The following CCDC146 variants were observed in gnomAD, a reference collection of about 807,000 sequenced individuals.
CCDC146 encodes the protein coiled-coil domain containing 146.
Under a neutral mutation model 119.3 loss-of-function variants are expected in CCDC146, and 92 were observed. The observed-to-expected ratio is 0.77, with a 90% CI of 0.65 to 0.92. CCDC146 has a LOEUF of 0.92. Ranked by LOEUF, CCDC146 falls within the 40% of genes least tolerant of loss-of-function variation. The probability of loss-of-function intolerance (pLI) is 0.00; values close to 1 mark genes in which losing one functional copy is unlikely to be tolerated. For missense variants in CCDC146, 1,000 were observed against 1,103.0 expected (o/e 0.91, Z 1.32); for synonymous variants, 372 against 371.8 (o/e 1.00, Z -0.01).
intron 2 of CCDC146, among the ~76,000 whole-genome samples, chr7:77,170,934 T>C (rs781477061): frequency 1.2e-4 from 18 of 152,186 alleles, no homozygotes; most frequent in Non-Finnish European, 2.4e-4. Flanking sequence ...GGCAAAGGTG[T>C]GGAGAAAAAG....
At chr7:77,194,732 C>T (rs934144357) in intron 2 of CCDC146, 1 of 152,066 alleles carries the variant, frequency 6.6e-6, no homozygotes, top group African/African-American at 2.4e-5. Flanking sequence ...ATTTCTAGGA[C>T]TGGCATACAC....
chr7:77,199,606 G>C (rs142066898), intron 2 of CCDC146: 121 of 1,614,008 alleles, frequency 7.5e-5, no homozygotes, highest in Non-Finnish European at 1.8e-5. Flanking sequence ...AATAGTCAAG[G>C]GGGGCAGGCT....
chr7:77,193,508 A>G (rs1791808768), intron 2 of CCDC146: 1 of 152,234 alleles, frequency 6.6e-6, no homozygotes, highest in Admixed American at 6.5e-5. Context: ...ACAAGAGCTT[A>G]TTGTGATGAC....
chr7:77,148,453 C>G (rs918299896), intron 1 of CCDC146, among the ~76,000 whole-genome samples: 24 of 152,198 alleles, frequency 1.6e-4, no homozygotes, highest in African/African-American at 4.3e-4. Context: ...GTGAGATGAA[C>G]CCAGTACCTC....
chr7:77,239,904 G>A lies in CCDC146; in HGVS notation c.240-1787G>A, dbSNP rs116485349. Among the ~76,000 whole-genome samples, 1,067 of 152,296 alleles carry A rather than the reference G, an allele frequency of 7.0e-3. 16 individuals carry two copies. Among genetic ancestry groups the A allele is most frequent in the African/African-American group, 0.024 (991 of 41,562 alleles). On this transcript the variant is annotated intron_variant, in intron 3 of 18. Coordinates refer to ENST00000285871, the MANE Select transcript of CCDC146 (RefSeq NM_020879.3). Reference sequence around the variant, plus strand: ...GCCAAGGTCATAGAATATAACTGGGGTTGTAGGAATCTCCCTCTACCGTGA... The same window carrying A: ...GCCAAGGTCATAGAATATAACTGGGATTGTAGGAATCTCCCTCTACCGTGA...
At chr7:77,249,651 A>T (rs1008775911) in intron 4 of CCDC146, among the ~76,000 whole-genome samples, 1 of 152,058 alleles carries the variant, frequency 6.6e-6, no homozygotes. Flanking sequence ...TTAGCATGGC[A>T]TATCTTTCTC....
chr7:77,234,879 G>A (rs1429469520), intron 2 of CCDC146, among the ~76,000 whole-genome samples: 1 of 152,032 alleles, frequency 6.6e-6, no homozygotes, highest in Non-Finnish European at 1.5e-5. Context: ...AATAATGAGG[G>A]TTGTAGGGAT....
intron 1 of CCDC146, among the ~76,000 whole-genome samples, chr7:77,162,072 G>T (rs1236087592): frequency 6.6e-6 from 1 of 152,074 alleles, no homozygotes; most frequent in East Asian, 1.9e-4. Context: ...TATATAGTTT[G>T]CAAATATTTC....
At chr7:77,221,637 G>T (rs951254924) in intron 2 of CCDC146, among the ~76,000 whole-genome samples, 1 of 152,180 alleles carries the variant, frequency 6.6e-6, no homozygotes. Flanking sequence ...GACATGTACC[G>T]TGCAGGGTTC....
Position 77,260,242 on chromosome 7 carries a change from T to C in CCDC146, c.986+6T>C, listed in dbSNP as rs1793267063. ...GCAACTTCATTAACTGAAAGGTTAG[T>C]TATATTTATGTATGTTATGTTCTGT... On this transcript the variant is annotated splice_donor_region_variant and intron_variant, in intron 8 of 18. Transcript: ENST00000285871. 3 of 1,597,260 alleles carry C rather than the reference T, an allele frequency of 1.9e-6. No individual in the cohort carries two copies. In the East Asian group the frequency reaches 6.7e-5, roughly 36 times the overall value.
chr7:77,139,469 C>T (rs550365214), intron 1 of CCDC146, among the ~76,000 whole-genome samples: 1 of 152,292 alleles, frequency 6.6e-6, no homozygotes, highest in Admixed American at 6.5e-5. Context: ...TGTTCAGATA[C>T]CTAGAATGTA....
chr7:77,287,689 A>T (rs569389289), intron 17 of CCDC146, 112 bp downstream of exon 17: 1 of 1,124,548 alleles, frequency 8.9e-7, no homozygotes, highest in South Asian at 2.1e-5. Flanking sequence ...AGGCTTTATG[A>T]CTAGGGGAAC....
intron 4 of CCDC146, among the ~76,000 whole-genome samples, chr7:77,252,355 T>G (rs544156163): frequency 1.3e-5 from 2 of 151,986 alleles, no homozygotes; most frequent in Non-Finnish European, 2.9e-5. Context: ...CAGGGTAAAC[T>G]CAAAGAAATA....
At chr7:77,159,789 A>G (rs1791231338) in intron 1 of CCDC146, among the ~76,000 whole-genome samples, 1 of 152,184 alleles carries the variant, frequency 6.6e-6, no homozygotes, top group East Asian at 1.9e-4. Flanking sequence ...CTTATCAACA[A>G]TTACTATCTT....
chr7:77,236,277 C>A (rs1792735722), intron 2 of CCDC146, among the ~76,000 whole-genome samples: 1 of 152,040 alleles, frequency 6.6e-6, no homozygotes, highest in South Asian at 2.1e-4. Context: ...ACTCAGAAAA[C>A]AGATCAAAAG....
intron 3 of CCDC146, among the ~76,000 whole-genome samples, chr7:77,238,391 G>C (rs944328105): frequency 2.6e-5 from 4 of 152,110 alleles, no homozygotes; most frequent in Non-Finnish European, 5.9e-5. Context: ...CAGATACAAG[G>C]AATATCAGTG....
At chr7:77,142,799 C>T (rs12667702) in intron 1 of CCDC146, among the ~76,000 whole-genome samples, 29,447 of 151,544 alleles carry the variant, frequency 0.19, 3,424 homozygotes, top group Non-Finnish European at 0.21. Flanking sequence ...CACATTTTCT[C>T]AATCCAGTCT....
chr7:77,201,449 G>A (rs1176561533), intron 2 of CCDC146, among the ~76,000 whole-genome samples: 2 of 151,414 alleles, frequency 1.3e-5, no homozygotes. Flanking sequence ...AGCTACTCGG[G>A]AGGCTGAGGC....
chr7:77,199,251 T>C (rs748054352), intron 2 of CCDC146: 1 of 1,614,024 alleles, frequency 6.2e-7, no homozygotes, highest in Admixed American at 1.7e-5. Context: ...TGACAACAAA[T>C]GTTAGATTTG....
Sources: allele counts gnomAD v4.1 joint callset (sites outside exome capture counted in the v4.1 genomes callset), GRCh38; gene constraint gnomAD v4.1.1; transcripts MANE v1.5; gene names NCBI Gene and HGNC (gene_info 2026-07-23, HGNC 2026-07-21).